The following PDZRN3 variants were observed in gnomAD, a reference collection of about 807,000 sequenced individuals.
The protein encoded by PDZRN3 is PDZ domain containing ring finger 3.
A neutral mutation model predicts 85.7 loss-of-function variants in PDZRN3; 38 were observed. The ratio of observed to expected loss-of-function variants is 0.44; its 90% CI spans 0.34 to 0.58. The LOEUF (loss-of-function observed/expected upper bound fraction) is 0.58, where lower values mean the gene tolerates loss of function less well. PDZRN3 is among the 20% of genes least tolerant of loss of function. The pLI, the probability that PDZRN3 is intolerant of heterozygous loss-of-function variation, is 0.01. For synonymous variants in PDZRN3, 759 were observed against 638.0 expected (o/e 1.19, Z -2.86); for missense variants, 1,629 against 1,506.4 (o/e 1.08, Z -1.35).
intron 3 of PDZRN3, among the ~76,000 whole-genome samples, chr3:73,574,457 TG>T (rs72092693): frequency 1.7e-5 from 2 of 120,830 alleles, no homozygotes; most frequent in South Asian, 2.9e-4. Flanking sequence ...TTGGCTGGGG[TG>T]GGGGGGGTGG....
chr3:73,507,018 C>T (rs1385561195), intron 3 of PDZRN3, among the ~76,000 whole-genome samples: 1 of 152,152 alleles, frequency 6.6e-6, no homozygotes, highest in Non-Finnish European at 1.5e-5. Flanking sequence ...AGGTTGAATA[C>T]TACATAGCCA....
At chr3:73,558,075 G>T (rs1575735095) in intron 3 of PDZRN3, among the ~76,000 whole-genome samples, 2 of 145,044 alleles carry the variant, frequency 1.4e-5, no homozygotes, top group Admixed American at 1.4e-4. Flanking sequence ...TTTAATATAT[G>T]TTTTTTTTCT....
chr3:73,438,228 A>C (rs1196175767), intron 3 of PDZRN3, among the ~76,000 whole-genome samples: 2 of 152,206 alleles, frequency 1.3e-5, no homozygotes, highest in Non-Finnish European at 2.9e-5. Flanking sequence ...GCATATACAC[A>C]AAGGGCTTAA....
intron 3 of PDZRN3, among the ~76,000 whole-genome samples, chr3:73,519,740 T>G (rs573574173): frequency 6.6e-6 from 1 of 152,254 alleles, no homozygotes; most frequent in East Asian, 1.9e-4. Flanking sequence ...CCCAGAACAG[T>G]AGCATCACAT....
intron 3 of PDZRN3, among the ~76,000 whole-genome samples, chr3:73,580,274 T>C (rs1384032491): frequency 2.0e-5 from 3 of 152,204 alleles, no homozygotes; most frequent in Non-Finnish European, 4.4e-5. Flanking sequence ...GGAGAGAGGA[T>C]GAGAGCCTCT....
chr3:73,624,627 G>A lies in PDZRN3; in HGVS notation c.199C>T (p.His67Tyr), dbSNP rs1702939618. ...ATAAGGCGCTTGAGCGGCAGGACGTGGTTGAGCTCTTTGGCCGACAGGCGA... is the reference window on the plus strand; with the variant it reads ...ATAAGGCGCTTGAGCGGCAGGACGTAGTTGAGCTCTTTGGCCGACAGGCGA... The part of the protein sequence containing the change: ...RGRLSAKELN[H>Y]VLPLKRLILK... Residue 67 changes from histidine to tyrosine, a missense_variant, in exon 1 of 10, where the codon CAC becomes TAC. Physicochemically the swap from His to Tyr is moderately conservative, Grantham distance 83. Coordinates refer to ENST00000263666, the MANE Select transcript of PDZRN3 (RefSeq NM_015009.3). 1.9e-6 allele frequency: 3 copies of A among 1,556,718 alleles called. No individual in the cohort carries two copies. Among genetic ancestry groups the A allele is most frequent in the Non-Finnish European group, 2.6e-6 (3 of 1,155,116 alleles).
In PDZRN3 at chr3:73,387,613, G is replaced by A. The variant is rs112432628; in HGVS notation, c.1518+355C>T. On this transcript the variant is annotated intron_variant, in intron 8 of 9. Coordinates refer to ENST00000263666, the MANE Select transcript of PDZRN3 (RefSeq NM_015009.3). ...TTTTAATTCCCCATACTCTGCTATT[G>A]TAAATGAAACCTGCACAGATCAAGG... is the stretch of plus-strand genomic sequence containing the variant. Among the ~76,000 whole-genome samples, 601 of 152,258 alleles carry A rather than the reference G, an allele frequency of 3.9e-3. 3 individuals are homozygous for A. The highest frequency in any genetic ancestry group is 0.014 in the African/African-American group (579 of 41,556).
intron 3 of PDZRN3, among the ~76,000 whole-genome samples, chr3:73,430,252 T>C (rs2106797776): frequency 6.6e-6 from 1 of 152,276 alleles, no homozygotes; most frequent in Middle Eastern, 3.4e-3. Context: ...TGCCGGCACA[T>C]AGTAAGTGCA....
intron 3 of PDZRN3, among the ~76,000 whole-genome samples, chr3:73,453,827 T>C (rs1369280638): frequency 6.6e-6 from 1 of 152,204 alleles, no homozygotes; most frequent in Non-Finnish European, 1.5e-5. Flanking sequence ...CACATATTCA[T>C]TCTTTTTGAT....
chr3:73,441,652 G>A (rs1702639249), intron 3 of PDZRN3, among the ~76,000 whole-genome samples: 1 of 152,140 alleles, frequency 6.6e-6, no homozygotes, highest in Non-Finnish European at 1.5e-5. Context: ...AGAGCACACA[G>A]CCTGCAAATG....
intron 3 of PDZRN3, among the ~76,000 whole-genome samples, chr3:73,572,857 G>A (rs1194870229): frequency 6.6e-6 from 1 of 152,202 alleles, no homozygotes; most frequent in Non-Finnish European, 1.5e-5. Flanking sequence ...GGATTTCAAT[G>A]ATTTAATGGG....
chr3:73,497,083 T>C (rs773041186), intron 3 of PDZRN3, among the ~76,000 whole-genome samples: 4 of 152,202 alleles, frequency 2.6e-5, no homozygotes, highest in Admixed American at 6.5e-5. Flanking sequence ...TTAAAAATAA[T>C]TGGGTAAATA....
intron 3 of PDZRN3, among the ~76,000 whole-genome samples, chr3:73,519,491 T>G (rs1408699107): frequency 5.3e-5 from 8 of 152,236 alleles, no homozygotes; most frequent in Non-Finnish European, 1.2e-4. Context: ...CTGTTTCAAG[T>G]TCTTCCACAA....
chr3:73,606,967 G>A (rs1702609537), intron 2 of PDZRN3, among the ~76,000 whole-genome samples: 1 of 152,112 alleles, frequency 6.6e-6, no homozygotes, highest in South Asian at 2.1e-4. Flanking sequence ...AGGCCCTTTG[G>A]GGTCAAGCCC....
At chr3:73,539,078 C>T (rs146222448) in intron 3 of PDZRN3, among the ~76,000 whole-genome samples, 2,234 of 152,298 alleles carry the variant, frequency 0.015, 21 homozygotes, top group Middle Eastern at 0.027. Context: ...TTTGCCCCAT[C>T]CTTCAAGGCT....
intron 3 of PDZRN3, among the ~76,000 whole-genome samples, chr3:73,448,957 G>A (rs950934759): frequency 1.3e-5 from 2 of 152,204 alleles, no homozygotes; most frequent in African/African-American, 4.8e-5. Context: ...TCACTGCAAT[G>A]TGGTGTGTGG....
intron 3 of PDZRN3, among the ~76,000 whole-genome samples, chr3:73,598,347 G>C (rs564215555): frequency 6.6e-6 from 1 of 152,140 alleles, no homozygotes; most frequent in South Asian, 2.1e-4. Context: ...TTACAGTTTC[G>C]AATGAATATT....
At chr3:73,461,929 G>C (rs1703112663) in intron 3 of PDZRN3, among the ~76,000 whole-genome samples, 1 of 152,154 alleles carries the variant, frequency 6.6e-6, no homozygotes, top group Admixed American at 6.5e-5. Context: ...TGTAGCTAGA[G>C]TAATGAAGAA....
chr3:73,558,920 C>T (rs375342450), intron 3 of PDZRN3, among the ~76,000 whole-genome samples: 10 of 152,228 alleles, frequency 6.6e-5, no homozygotes, highest in East Asian at 1.9e-4. Context: ...CAAGGACATG[C>T]GTCTGCTCTG....
Sources: gnomAD v4.1 joint callset for allele counts (sites outside exome capture counted in the v4.1 genomes callset) on GRCh38, gnomAD v4.1.1 for gene constraint, MANE v1.5 for transcripts, NCBI Gene and HGNC (gene_info 2026-07-23, HGNC 2026-07-21) for gene names.